GPC6: variants seen among roughly 807,000 people sequenced by gnomAD.
GPC6 encodes the protein glypican 6, also known as glypican-6.
GPC6 carries 14 observed loss-of-function variants against 55.2 expected under a neutral mutation model. That is an observed-to-expected ratio of 0.25 (90% CI 0.17 to 0.40). The LOEUF (loss-of-function observed/expected upper bound fraction) is 0.40, where lower values mean the gene tolerates loss of function less well. Among genes scored for constraint, GPC6 ranks in the 10% least tolerant of loss-of-function variants. The probability of loss-of-function intolerance (pLI) is 1.00; values close to 1 mark genes in which losing one functional copy is unlikely to be tolerated. For synonymous variants in GPC6, 278 were observed against 259.6 expected, an observed-to-expected ratio of 1.07 and a Z score of -0.68; for missense variants, 641 against 708.5, an observed-to-expected ratio of 0.90 and a Z score of 1.08.
At position 93,291,037 on chromosome 13, in the gene GPC6, G is replaced by A. The variant is rs781245936; in HGVS notation, c.160+63421G>A. Among the ~76,000 whole-genome samples, 7 of 152,158 alleles carry A rather than the reference G, an allele frequency of 4.6e-5. No individual in the cohort carries two copies. In the East Asian group the frequency reaches 1.2e-3, roughly 25 times the overall value. ...GGGCAAAGAAACTCATCAAAGCATCGTCTATTAGGAAAATTAATTAGGCAT... is the reference window on the plus strand; with the variant it reads ...GGGCAAAGAAACTCATCAAAGCATCATCTATTAGGAAAATTAATTAGGCAT... On this transcript the variant is annotated intron_variant, in intron 1 of 8. Coordinates refer to ENST00000377047, the MANE Select transcript of GPC6 (RefSeq NM_005708.5).
chr13:93,271,209 GA>G (rs1877512019), intron 1 of GPC6, among the ~76,000 whole-genome samples: 1 of 152,134 alleles, frequency 6.6e-6, no homozygotes, highest in Non-Finnish European at 1.5e-5. Flanking sequence ...TAGGGCTAGG[GA>G]AAGAAAGTTC....
chr13:93,997,040 T>G (rs1269353105), intron 3 of GPC6, among the ~76,000 whole-genome samples: 1 of 152,172 alleles, frequency 6.6e-6, no homozygotes. Flanking sequence ...CACCTACTTC[T>G]TAGCAGAGGA....
intron 1 of GPC6, among the ~76,000 whole-genome samples, chr13:93,482,149 A>G (rs1879545672): frequency 6.6e-6 from 1 of 152,036 alleles, no homozygotes; most frequent in Admixed American, 6.6e-5. Flanking sequence ...ATTCCTAGGT[A>G]CTTTATTCCT....
At chr13:94,362,476 A>G (rs1879102042) in intron 6 of GPC6, among the ~76,000 whole-genome samples, 1 of 152,180 alleles carries the variant, frequency 6.6e-6, no homozygotes, top group Non-Finnish European at 1.5e-5. Flanking sequence ...AGTTTAAAAT[A>G]ACAGGGTTGT....
intron 1 of GPC6, among the ~76,000 whole-genome samples, chr13:93,357,550 A>G (rs1166679388): frequency 6.6e-6 from 1 of 152,190 alleles, no homozygotes; most frequent in Non-Finnish European, 1.5e-5. Flanking sequence ...CTATTTTTAA[A>G]AATGTAAATA....
chr13:94,143,493 G>A (rs554381470), intron 4 of GPC6, among the ~76,000 whole-genome samples: 5 of 152,202 alleles, frequency 3.3e-5, no homozygotes, highest in Non-Finnish European at 7.4e-5. Context: ...TTAGAATCAT[G>A]ACATTCTTCT....
intron 2 of GPC6, among the ~76,000 whole-genome samples, chr13:93,803,339 A>T (rs902618443): frequency 2.0e-5 from 3 of 152,202 alleles, no homozygotes; most frequent in Admixed American, 1.3e-4. Context: ...AATATGAAAT[A>T]TGTTATCTTA....
At chr13:94,189,547 C>T (rs1889314306) in intron 4 of GPC6, among the ~76,000 whole-genome samples, 1 of 152,202 alleles carries the variant, frequency 6.6e-6, no homozygotes. Context: ...AAATTAGCAA[C>T]AGGTGATAGA....
intron 1 of GPC6, among the ~76,000 whole-genome samples, chr13:93,230,381 T>C (rs1012172144): frequency 3.9e-5 from 6 of 152,160 alleles, no homozygotes; most frequent in African/African-American, 1.2e-4. Flanking sequence ...TATAAAGTTA[T>C]GCTTTCAGAG....
chr13:93,749,550 C>G (rs1464360073), intron 2 of GPC6, among the ~76,000 whole-genome samples: 2 of 151,886 alleles, frequency 1.3e-5, no homozygotes, highest in South Asian at 4.1e-4. Context: ...TATTTTCAAA[C>G]AGATTACATT....
chr13:93,329,587 C>T (rs985566091), intron 1 of GPC6, among the ~76,000 whole-genome samples: 6 of 152,194 alleles, frequency 3.9e-5, no homozygotes, highest in African/African-American at 1.4e-4. Context: ...AATAGTCTCT[C>T]TTTCAGTAGT....
intron 3 of GPC6, among the ~76,000 whole-genome samples, chr13:93,849,435 C>T (rs182060558): frequency 5.4e-4 from 82 of 152,124 alleles, no homozygotes; most frequent in African/African-American, 1.9e-3. Context: ...GAATATCCAG[C>T]TCGAAAGACA....
intron 4 of GPC6, among the ~76,000 whole-genome samples, chr13:94,096,176 C>T (rs1429264721): frequency 6.6e-6 from 1 of 152,094 alleles, no homozygotes; most frequent in African/African-American, 2.4e-5. Flanking sequence ...ACCTAAAACA[C>T]AGAATTCTAC....
intron 1 of GPC6, among the ~76,000 whole-genome samples, chr13:93,444,068 A>G (rs1272594238): frequency 6.6e-6 from 1 of 152,178 alleles, no homozygotes; most frequent in Non-Finnish European, 1.5e-5. Context: ...TCCAGCAGAT[A>G]ATTATCAACA....
chr13:93,456,250 C>A (rs1396815609), intron 1 of GPC6, among the ~76,000 whole-genome samples: 1 of 152,054 alleles, frequency 6.6e-6, no homozygotes, highest in Non-Finnish European at 1.5e-5. Context: ...AGAACAGGAT[C>A]ATGTAAATAT....
intron 1 of GPC6, among the ~76,000 whole-genome samples, chr13:93,365,051 T>C (rs1881190905): frequency 6.6e-6 from 1 of 152,088 alleles, no homozygotes; most frequent in Non-Finnish European, 1.5e-5. Flanking sequence ...TTTTTCTTTC[T>C]ACCTCCACAT....
intron 2 of GPC6, among the ~76,000 whole-genome samples, chr13:93,594,711 T>A (rs1052046768): frequency 2.6e-5 from 4 of 151,912 alleles, no homozygotes; most frequent in Non-Finnish European, 5.9e-5. Flanking sequence ...TTTTTTGTGG[T>A]TCTAGAAGCT....
intron 1 of GPC6, among the ~76,000 whole-genome samples, chr13:93,320,738 T>C (rs1879410607): frequency 6.6e-6 from 1 of 152,080 alleles, no homozygotes; most frequent in Non-Finnish European, 1.5e-5. Flanking sequence ...TAGCAGTAAA[T>C]TGATTAGCAG....
At chr13:93,432,302 C>T (rs1322428412) in intron 1 of GPC6, among the ~76,000 whole-genome samples, 4 of 152,106 alleles carry the variant, frequency 2.6e-5, no homozygotes, top group African/African-American at 9.7e-5. Flanking sequence ...GACTCTCTCT[C>T]CGGCCAACTC....
Sources: gnomAD v4.1 joint callset for allele counts (sites outside exome capture counted in the v4.1 genomes callset) on GRCh38, gnomAD v4.1.1 for gene constraint, MANE v1.5 for transcripts, NCBI Gene and HGNC (gene_info 2026-07-23, HGNC 2026-07-21) for gene names.